The following SPPL2A variants were observed in gnomAD, a reference collection of about 807,000 sequenced individuals.
SPPL2A encodes the protein signal peptide peptidase like 2A.
SPPL2A carries 51 observed loss-of-function variants against 63.8 expected under a neutral mutation model. The observed-to-expected ratio is 0.80, with a 90% CI of 0.64 to 1.01. The LOEUF (loss-of-function observed/expected upper bound fraction) is 1.01. Ranked by LOEUF, SPPL2A falls within the 50% of genes least tolerant of loss-of-function variation. The probability of loss-of-function intolerance (pLI) is 0.00; values close to 1 mark genes in which losing one functional copy is unlikely to be tolerated. For missense variants in SPPL2A, 553 were observed against 622.7 expected (o/e 0.89, Z 1.19); for synonymous variants, 188 against 205.8 (o/e 0.91, Z 0.74).
At chr15:50,721,348 G>T (rs2062644938) in intron 13 of SPPL2A, among the ~76,000 whole-genome samples, 1 of 152,054 alleles carries the variant, frequency 6.6e-6, no homozygotes, top group Non-Finnish European at 1.5e-5. Context: ...ACTGTGCCCA[G>T]CTGAGACTGC....
chr15:50,740,439 A>AG, intron 5 of SPPL2A, among the ~76,000 whole-genome samples: 1 of 148,802 alleles, frequency 6.7e-6, no homozygotes, highest in Non-Finnish European at 1.5e-5. Context: ...AAAAAAAAAA[A>AG]AAAAAAGAAA....
chr15:50,740,618 C>T (rs1252220147), intron 5 of SPPL2A, among the ~76,000 whole-genome samples: 2 of 140,426 alleles, frequency 1.4e-5, no homozygotes, highest in Admixed American at 7.1e-5. Flanking sequence ...AAATTAGCTT[C>T]TCTGTTTTTT....
At chr15:50,718,407 C>G (rs1308122924) in intron 14 of SPPL2A, among the ~76,000 whole-genome samples, 1 of 152,002 alleles carries the variant, frequency 6.6e-6, no homozygotes, top group Admixed American at 6.6e-5. Flanking sequence ...AAATATAAAA[C>G]CATTAAAAAA....
intron 1 of SPPL2A, 46 bp downstream of exon 1, chr15:50,765,422 C>T: frequency 6.9e-7 from 1 of 1,450,742 alleles, no homozygotes. Context: ...TTGGCCCCGG[C>T]CCCGCCCAGC....
In SPPL2A at chr15:50,705,926, T is replaced by G. The variant is rs1268473512; in HGVS notation, c.*1874A>C. The G allele has an allele frequency of 6.6e-6, 1 of 152,214 alleles. No homozygotes were observed. Among genetic ancestry groups the G allele is most frequent in the Non-Finnish European group, 1.5e-5 (1 of 68,036 alleles). The allele number at this position is 152,214 out of a possible 1,614,324, so 9.4% of individuals were successfully genotyped here. On this transcript the variant is annotated 3_prime_UTR_variant, in exon 15 of 15. Coordinates refer to ENST00000261854, the MANE Select transcript of SPPL2A (RefSeq NM_032802.4). Reference sequence around the variant, plus strand: ...GCTGCCTTTGTTATCACTTGTCATTTGCGAAATTCTTACTAAAATAAAAGA... The same window carrying G: ...GCTGCCTTTGTTATCACTTGTCATTGGCGAAATTCTTACTAAAATAAAAGA...
rs376949037 is a variant in SPPL2A, at chr15:50,754,904, C to A, written c.67-5158G>T. The stretch of plus-strand genomic sequence containing the variant: ...GGCTGAGGCCGGAGAATCACTTGAA[C>A]CCAGGAGGCAGAGGTTGCGGTGAGC... On this transcript the variant is annotated intron_variant, in intron 1 of 14. Transcript: ENST00000261854. 1.6e-4 allele frequency among the ~76,000 whole-genome samples: 25 copies of A among 152,156 alleles called. No individual in the cohort carries two copies. In the South Asian group the frequency reaches 4.8e-3, roughly 29 times the overall value.
chr15:50,717,342 T>C (rs564990790), intron 14 of SPPL2A, among the ~76,000 whole-genome samples: 1 of 152,092 alleles, frequency 6.6e-6, no homozygotes, highest in South Asian at 2.1e-4. Flanking sequence ...GCCCAGCAAA[T>C]TTTTTCTTTT....
chr15:50,740,427 CAAAAAAAAAA>C (rs34361362), intron 5 of SPPL2A, among the ~76,000 whole-genome samples: 8 of 60,098 alleles, frequency 1.3e-4, no homozygotes, highest in Non-Finnish European at 2.6e-4. Flanking sequence ...AACTCCGTCT[CAAAAAAAAAA>C]AAAAAAAAGA....
Position 50,703,356 on chromosome 15 carries a change from A to ATATATATTTTTTTTT in SPPL2A, c.*4443_*4444insAAAAAAAAATATATA, listed in dbSNP as rs1196710672. ...TATATATATATATATACATATATAT[A>ATATATATTTTTTTTT]TTTTTTTTTTTTTTTTTTTTTTTTG... On this transcript the variant is annotated 3_prime_UTR_variant, in exon 15 of 15. Transcript: ENST00000261854. The ATATATATTTTTTTTT allele has an allele frequency of 1.6e-5, 1 of 62,042 alleles. No homozygotes were observed. Among genetic ancestry groups the ATATATATTTTTTTTT allele is most frequent in the African/African-American group, 7.0e-5 (1 of 14,240 alleles). 3.8% of individuals were successfully genotyped at this position (62,042 alleles called of 1,614,324 possible). A position where few individuals can be genotyped will look rare whatever the true frequency, so the allele number is the denominator to read the frequency against.
intron 14 of SPPL2A, among the ~76,000 whole-genome samples, chr15:50,713,554 C>T (rs1395829238): frequency 2.0e-5 from 3 of 152,020 alleles, no homozygotes; most frequent in East Asian, 1.9e-4. Flanking sequence ...AGTGAGCCAC[C>T]GCGCCCAGCA....
At chr15:50,720,537 G>A (rs1228561591) in intron 13 of SPPL2A, among the ~76,000 whole-genome samples, 2 of 79,912 alleles carry the variant, frequency 2.5e-5, no homozygotes, top group African/African-American at 8.1e-5. Context: ...TTTTTTTTTC[G>A]AAATGGAGTT....
chr15:50,741,224 T>G (rs1265949239), intron 5 of SPPL2A, among the ~76,000 whole-genome samples: 1 of 152,128 alleles, frequency 6.6e-6, no homozygotes, highest in African/African-American at 2.4e-5. Flanking sequence ...CTGAATACTT[T>G]TCAACAACTC....
chr15:50,721,556 G>A (rs1198229185), intron 13 of SPPL2A, among the ~76,000 whole-genome samples: 1 of 151,132 alleles, frequency 6.6e-6, no homozygotes, highest in Admixed American at 6.6e-5. Context: ...TCAGCCTCCT[G>A]AGTAGCTGGG....
intron 10 of SPPL2A, among the ~76,000 whole-genome samples, chr15:50,727,154 T>C (rs1373722368): frequency 9.2e-5 from 14 of 152,210 alleles, no homozygotes; most frequent in Non-Finnish European, 1.9e-4. Flanking sequence ...ACTCATTTTA[T>C]CATTCGTATT....
rs553529167 is a variant in SPPL2A at position 50,756,318 on chromosome 15, G to A, written c.67-6572C>T. On this transcript the variant is annotated intron_variant, in intron 1 of 14. Transcript: ENST00000261854. The stretch of plus-strand genomic sequence containing the variant: ...GGAGCTTGCAGTGAGCTGAGATCAC[G>A]CCACTGCACTCCAGTCTGACAGAGT... 1.2e-3 allele frequency among the ~76,000 whole-genome samples: 159 copies of A among 132,870 alleles called. 1 individual carries two copies. The highest frequency in any genetic ancestry group is 1.9e-3 in the Admixed American group (22 of 11,418). 87.2% of individuals were successfully genotyped at this position (132,870 alleles called of 152,430 possible).
intron 1 of SPPL2A, among the ~76,000 whole-genome samples, chr15:50,755,101 C>T (rs1021788947): frequency 6.6e-6 from 1 of 152,226 alleles, no homozygotes; most frequent in Non-Finnish European, 1.5e-5. Flanking sequence ...AGGAGGATCA[C>T]GAGGTCAGGA....
intron 13 of SPPL2A, among the ~76,000 whole-genome samples, chr15:50,721,192 C>G (rs141697699): frequency 6.6e-6 from 1 of 151,844 alleles, no homozygotes; most frequent in Non-Finnish European, 1.5e-5. Flanking sequence ...CACCACCATG[C>G]CCAGCTACTT....
intron 14 of SPPL2A, among the ~76,000 whole-genome samples, chr15:50,710,568 T>C (rs1402510774): frequency 6.6e-6 from 1 of 152,186 alleles, no homozygotes; most frequent in Non-Finnish European, 1.5e-5. Context: ...TTCATCATAT[T>C]TGGAAACAGG....
intron 10 of SPPL2A, among the ~76,000 whole-genome samples, chr15:50,728,322 T>C (rs1000543524): frequency 6.6e-6 from 1 of 152,182 alleles, no homozygotes; most frequent in Non-Finnish European, 1.5e-5. Flanking sequence ...CCCTAATAAA[T>C]TAACAATTTT....
Sources: gnomAD v4.1 joint callset for allele counts (sites outside exome capture counted in the v4.1 genomes callset) on GRCh38, gnomAD v4.1.1 for gene constraint, MANE v1.5 for transcripts, NCBI Gene and HGNC (gene_info 2026-07-23, HGNC 2026-07-21) for gene names.